ZZZ3: variants seen among roughly 807,000 people sequenced by gnomAD.
ZZZ3 encodes the protein zinc finger ZZ-type containing 3.
Under a neutral mutation model 95.2 loss-of-function variants are expected in ZZZ3, and 22 were observed. The observed-to-expected ratio is 0.23, with a 90% CI of 0.17 to 0.33. ZZZ3 has a LOEUF of 0.33. Ranked by LOEUF, ZZZ3 falls within the 10% of genes least tolerant of loss-of-function variation. ZZZ3 has a pLI of 1.00. For missense variants in ZZZ3, 885 were observed against 1,066.5 expected, an observed-to-expected ratio of 0.83 and a Z score of 2.37; for synonymous variants, 335 against 358.9, an observed-to-expected ratio of 0.93 and a Z score of 0.75.
In ZZZ3 at chr1:77,562,611, C is replaced by T. The variant is rs1557678391; in HGVS notation, c.*3029G>A. 6.6e-6 allele frequency: 1 copy of T among 152,084 alleles called. No individual in the cohort carries two copies. Among genetic ancestry groups the T allele is most frequent in the African/African-American group, 2.4e-5 (1 of 41,376 alleles). The allele number at this position is 152,084 out of a possible 1,614,324, so 9.4% of individuals were successfully genotyped here. ...AAAAAGGGGAAGGGGGGAAAACAGACAAGGCATACTATTAGGTTAAGTGAG... is the reference window on the plus strand; with the variant it reads ...AAAAAGGGGAAGGGGGGAAAACAGATAAGGCATACTATTAGGTTAAGTGAG... On this transcript the variant is annotated 3_prime_UTR_variant, in exon 15 of 15. Coordinates refer to ENST00000370801, the MANE Select transcript of ZZZ3 (RefSeq NM_015534.6).
At chr1:77,654,611 C>T (rs913251335) in intron 1 of ZZZ3, among the ~76,000 whole-genome samples, 4 of 152,058 alleles carry the variant, frequency 2.6e-5, no homozygotes, top group Admixed American at 6.6e-5. Flanking sequence ...TATTAACAGA[C>T]TGAAAAAACA....
chr1:77,635,474 C>A (rs530553729), intron 4 of ZZZ3, among the ~76,000 whole-genome samples: 1 of 152,194 alleles, frequency 6.6e-6, no homozygotes, highest in Non-Finnish European at 1.5e-5. Context: ...GAACAGCTGA[C>A]ATTTAATTAT....
chr1:77,603,973 A>G (rs1664985806), intron 5 of ZZZ3, among the ~76,000 whole-genome samples: 1 of 152,124 alleles, frequency 6.6e-6, no homozygotes, highest in Non-Finnish European at 1.5e-5. Flanking sequence ...AGACTAGCCC[A>G]GGCAACATAG....
intron 5 of ZZZ3, among the ~76,000 whole-genome samples, chr1:77,597,796 T>C (rs1664352983): frequency 6.6e-6 from 1 of 152,076 alleles, no homozygotes; most frequent in African/African-American, 2.4e-5. Context: ...CTAAATGTAA[T>C]GTGGTATCCT....
At chr1:77,648,781 T>C (rs2100950155) in intron 1 of ZZZ3, among the ~76,000 whole-genome samples, 1 of 152,228 alleles carries the variant, frequency 6.6e-6, no homozygotes, top group African/African-American at 2.4e-5. Flanking sequence ...AAAAATACTG[T>C]AAGAAATGAT....
At chr1:77,657,039 G>T (rs781544114) in intron 1 of ZZZ3, among the ~76,000 whole-genome samples, 2 of 152,144 alleles carry the variant, frequency 1.3e-5, no homozygotes, top group Admixed American at 1.3e-4. Context: ...GGAGTGCAGC[G>T]GTATGATCTC....
intron 5 of ZZZ3, among the ~76,000 whole-genome samples, chr1:77,611,311 G>T (rs974059785): frequency 8.3e-5 from 10 of 120,912 alleles, no homozygotes; most frequent in Non-Finnish European, 1.8e-5. Context: ...GAAGGTAAAA[G>T]AACTCTACGC....
At chr1:77,674,379 C>G (rs1672066345) in intron 1 of ZZZ3, among the ~76,000 whole-genome samples, 1 of 152,116 alleles carries the variant, frequency 6.6e-6, no homozygotes, top group Non-Finnish European at 1.5e-5. Flanking sequence ...CTGTATAAAT[C>G]CTAGGCTCAA....
chr1:77,632,398 A>G lies in ZZZ3; in HGVS notation c.957T>C (p.Asp319=). Residue 319 remains aspartate, a synonymous_variant, in exon 5 of 15, where the codon GAT becomes GAC. Transcript: ENST00000370801. ...SSLRDSEEEV[D]VVGDSSASKE... is the part of the protein sequence containing the mutation. ...TTGAGGCACTGCTATCTCCCACCAC[A>G]TCTACTTCCTCCTCAGAATCCCTTA... The G allele has an allele frequency of 6.2e-7, 1 of 1,614,124 alleles. No homozygotes were observed. Among genetic ancestry groups the G allele is most frequent in the South Asian group, 1.1e-5 (1 of 91,080 alleles).
intron 5 of ZZZ3, among the ~76,000 whole-genome samples, chr1:77,587,125 A>C (rs1015174481): frequency 6.6e-6 from 1 of 152,202 alleles, no homozygotes; most frequent in African/African-American, 2.4e-5. Context: ...GATGAAGTAC[A>C]AATACGGCTG....
intron 1 of ZZZ3, among the ~76,000 whole-genome samples, chr1:77,677,577 T>C (rs1198520697): frequency 1.3e-5 from 2 of 152,180 alleles, no homozygotes; most frequent in East Asian, 3.8e-4. Flanking sequence ...TTGTTCAGTA[T>C]GTTTTAAGAG....
At chr1:77,679,194 A>C (rs1672529877) in intron 1 of ZZZ3, among the ~76,000 whole-genome samples, 1 of 152,236 alleles carries the variant, frequency 6.6e-6, no homozygotes, top group Non-Finnish European at 1.5e-5. Flanking sequence ...AGAAATTTGC[A>C]CCAGAGTATA....
intron 5 of ZZZ3, among the ~76,000 whole-genome samples, chr1:77,626,080 A>G (rs1371221675): frequency 6.6e-6 from 1 of 152,208 alleles, no homozygotes; most frequent in Non-Finnish European, 1.5e-5. Context: ...ACTTTTAGAT[A>G]CCATCTACAG....
intron 5 of ZZZ3, among the ~76,000 whole-genome samples, chr1:77,601,759 A>AC (rs1490277336): frequency 6.6e-6 from 1 of 152,156 alleles, no homozygotes; most frequent in Non-Finnish European, 1.5e-5. Flanking sequence ...GCCCTTTACA[A>AC]CCTCTAGGAG....
At chr1:77,579,919 G>C (rs938227939) in intron 9 of ZZZ3, 1 of 175,598 alleles carries the variant, frequency 5.7e-6, no homozygotes, top group African/African-American at 2.4e-5. Flanking sequence ...CAAATTGGTA[G>C]ATTACACATT....
chr1:77,659,780 TAG>T (rs1199650231), intron 1 of ZZZ3, among the ~76,000 whole-genome samples: 1 of 151,554 alleles, frequency 6.6e-6, no homozygotes, highest in Non-Finnish European at 1.5e-5. Flanking sequence ...AAAGTATTAC[TAG>T]AGGAGTGAGG....
chr1:77,600,394 T>A (rs773554774), intron 5 of ZZZ3, among the ~76,000 whole-genome samples: 1 of 152,182 alleles, frequency 6.6e-6, no homozygotes, highest in African/African-American at 2.4e-5. Context: ...ACTGGAGATA[T>A]AACAGTGAAC....
At position 77,623,163 on chromosome 1, in the gene ZZZ3, T is replaced by TC. The variant is rs201419658; in HGVS notation, c.1505+8686dup. On this transcript the variant is annotated intron_variant, in intron 5 of 14. Transcript: ENST00000370801. ...CAAACAGATGAAATAAGCCCTATTA[T>TC]CACCCTCTCTTTCTACTTGGAAGTA... Among the ~76,000 whole-genome samples, 1,237 of 152,278 alleles carry TC rather than the reference T, an allele frequency of 8.1e-3. 5 individuals are homozygous for TC. The highest frequency in any genetic ancestry group is 0.014 in the Admixed American group (208 of 15,288).
chr1:77,571,480 C>T (rs894605804), intron 12 of ZZZ3, among the ~76,000 whole-genome samples: 1 of 152,168 alleles, frequency 6.6e-6, no homozygotes, highest in South Asian at 2.1e-4. Flanking sequence ...TATTTGTATA[C>T]CTATGTTCAC....
Sources: allele counts gnomAD v4.1 joint callset (sites outside exome capture counted in the v4.1 genomes callset), GRCh38; gene constraint gnomAD v4.1.1; transcripts MANE v1.5; gene names NCBI Gene and HGNC (gene_info 2026-07-23, HGNC 2026-07-21).